Variants in ADAMTS19 observed in about 807,000 individuals in gnomAD.
The protein encoded by ADAMTS19 is A disintegrin and metalloproteinase with thrombospondin motifs 19.
A neutral mutation model predicts 153.3 loss-of-function variants in ADAMTS19; 93 were observed. The observed-to-expected ratio is 0.61, with a 90% CI of 0.51 to 0.72. The LOEUF (loss-of-function observed/expected upper bound fraction) is 0.72. Among genes scored for constraint, ADAMTS19 ranks in the 30% least tolerant of loss-of-function variants. The probability of loss-of-function intolerance (pLI) is 0.00; values close to 1 mark genes in which losing one functional copy is unlikely to be tolerated. For missense variants in ADAMTS19, 1,482 were observed against 1,552.1 expected, an observed-to-expected ratio of 0.95 and a Z score of 0.76; for synonymous variants, 600 against 556.6, an observed-to-expected ratio of 1.08 and a Z score of -1.10.
intron 14 of ADAMTS19, among the ~76,000 whole-genome samples, chr5:129,655,411 A>G (rs1753503635): frequency 6.6e-6 from 1 of 152,222 alleles, no homozygotes; most frequent in Admixed American, 6.5e-5. Flanking sequence ...AGCAGGAAAG[A>G]AATAAATCCT....
intron 6 of ADAMTS19, among the ~76,000 whole-genome samples, chr5:129,533,961 C>T (rs1752311276): frequency 6.6e-6 from 1 of 151,994 alleles, no homozygotes; most frequent in South Asian, 2.1e-4. Flanking sequence ...GTCTGAGAGA[C>T]AGTTTGTTAT....
chr5:129,603,484 T>A (rs1162267162), intron 8 of ADAMTS19, among the ~76,000 whole-genome samples: 1 of 152,238 alleles, frequency 6.6e-6, no homozygotes, highest in Non-Finnish European at 1.5e-5. Context: ...AGGCTTTTTT[T>A]CTTTAGGTCT....
chr5:129,500,030 A>C (rs1407486830), intron 2 of ADAMTS19, among the ~76,000 whole-genome samples: 2 of 152,058 alleles, frequency 1.3e-5, no homozygotes, highest in African/African-American at 4.8e-5. Flanking sequence ...TCTGTTGTTT[A>C]TTTGTAGGTT....
rs2126969210 is a variant in ADAMTS19, at chr5:129,617,142, C to T, written c.1479-3476C>T. Among the ~76,000 whole-genome samples the T allele has an allele frequency of 2.0e-5, 3 of 152,114 alleles. No individual in the cohort carries two copies. The Middle Eastern group carries it at 0.01, about 517-fold the overall frequency. Reference sequence around the variant, plus strand: ...CACAATTAATTGTTTTATTTCAAACCTGTAGAGTCAGGACTAAGCATTGTT... The same window carrying T: ...CACAATTAATTGTTTTATTTCAAACTTGTAGAGTCAGGACTAAGCATTGTT... On this transcript the variant is annotated intron_variant, in intron 8 of 22. Transcript: ENST00000274487.
At chr5:129,596,713 A>C in intron 8 of ADAMTS19, 49 bp downstream of exon 8, 1 of 1,351,838 alleles carries the variant, frequency 7.4e-7, no homozygotes, top group Non-Finnish European at 1.0e-6. Flanking sequence ...ATAACTTTGT[A>C]ATTCGAGTTA....
At chr5:129,608,842 G>T (rs1190050013) in intron 8 of ADAMTS19, among the ~76,000 whole-genome samples, 1 of 91,328 alleles carries the variant, frequency 1.1e-5, no homozygotes, top group African/African-American at 3.6e-5. Flanking sequence ...GCAAGACTCT[G>T]TCTCAAAAAA....
chr5:129,568,362 T>TG (rs36095190), intron 7 of ADAMTS19, among the ~76,000 whole-genome samples: 78 of 151,880 alleles, frequency 5.1e-4, no homozygotes, highest in African/African-American at 1.7e-3. Flanking sequence ...CAGTAATACA[T>TG]GGGGGGGGAT....
intron 10 of ADAMTS19, among the ~76,000 whole-genome samples, chr5:129,638,927 T>A (rs1054429025): frequency 6.6e-6 from 1 of 152,192 alleles, no homozygotes; most frequent in South Asian, 2.1e-4. Flanking sequence ...TTTCAATACA[T>A]AGTACATTTA....
intron 8 of ADAMTS19, among the ~76,000 whole-genome samples, chr5:129,610,197 A>G: frequency 6.6e-6 from 1 of 152,170 alleles, no homozygotes; most frequent in African/African-American, 2.4e-5. Flanking sequence ...GTTAAAGATA[A>G]TGATAAATAT....
chr5:129,688,754 A>G (rs1157139136), intron 18 of ADAMTS19, among the ~76,000 whole-genome samples: 1 of 152,182 alleles, frequency 6.6e-6, no homozygotes, highest in East Asian at 1.9e-4. Flanking sequence ...TTGACATATC[A>G]TTTTGTATTT....
At chr5:129,610,567 G>C (rs1432002235) in intron 8 of ADAMTS19, among the ~76,000 whole-genome samples, 1 of 152,020 alleles carries the variant, frequency 6.6e-6, no homozygotes, top group Non-Finnish European at 1.5e-5. Flanking sequence ...GCGATAGTTT[G>C]CTGAGAATGA....
chr5:129,632,390 T>C (rs1165052126), intron 10 of ADAMTS19, among the ~76,000 whole-genome samples: 2 of 152,024 alleles, frequency 1.3e-5, no homozygotes, highest in South Asian at 2.1e-4. Context: ...TCTGTGTACA[T>C]TGTAGACCAT....
intron 8 of ADAMTS19, among the ~76,000 whole-genome samples, chr5:129,598,549 A>G (rs1315781892): frequency 6.6e-6 from 1 of 152,246 alleles, no homozygotes. Context: ...CCCAAGAAAC[A>G]GAACAATATC....
intron 8 of ADAMTS19, among the ~76,000 whole-genome samples, chr5:129,610,154 G>A (rs965290335): frequency 1.3e-5 from 2 of 151,774 alleles, no homozygotes; most frequent in African/African-American, 4.8e-5. Flanking sequence ...GTTCTGATAT[G>A]TCTTACACAC....
At chr5:129,580,362 A>G (rs1158909625) in intron 7 of ADAMTS19, among the ~76,000 whole-genome samples, 1 of 152,188 alleles carries the variant, frequency 6.6e-6, no homozygotes, top group East Asian at 1.9e-4. Context: ...TTCTAAACAG[A>G]CAATCATGTC....
chr5:129,577,176 A>G (rs2126875727), intron 7 of ADAMTS19, among the ~76,000 whole-genome samples: 1 of 152,248 alleles, frequency 6.6e-6, no homozygotes, highest in South Asian at 2.1e-4. Context: ...CATCAGTTAC[A>G]TGGAAATAGA....
chr5:129,661,673 T>C (rs975034722), intron 15 of ADAMTS19, among the ~76,000 whole-genome samples: 2 of 152,210 alleles, frequency 1.3e-5, no homozygotes, highest in African/African-American at 4.8e-5. Flanking sequence ...TATCATGTCT[T>C]CCATTGTAAC....
intron 15 of ADAMTS19, among the ~76,000 whole-genome samples, chr5:129,663,061 A>AT (rs1753886613): frequency 6.6e-6 from 1 of 151,592 alleles, no homozygotes; most frequent in Non-Finnish European, 1.5e-5. Context: ...TACCCAGCTA[A>AT]TTTTTTGTAT....
At chr5:129,634,891 A>AG (rs1752465461) in intron 10 of ADAMTS19, among the ~76,000 whole-genome samples, 2 of 150,164 alleles carry the variant, frequency 1.3e-5, no homozygotes, top group African/African-American at 4.9e-5. Context: ...AGCAAAATAA[A>AG]AGAGAGAGAG....
Sources: gnomAD v4.1 joint callset for allele counts (sites outside exome capture counted in the v4.1 genomes callset) on GRCh38, gnomAD v4.1.1 for gene constraint, MANE v1.5 for transcripts, NCBI Gene and HGNC (gene_info 2026-07-23, HGNC 2026-07-21) for gene names.